Variants in DSCAM observed in about 807,000 individuals in gnomAD.
The protein encoded by DSCAM is DS cell adhesion molecule, also known as cell adhesion molecule DSCAM.
In DSCAM, 47 loss-of-function variants were observed where a neutral mutation model predicts 217.7. That is an observed-to-expected ratio of 0.22 (90% CI 0.17 to 0.28). The LOEUF (loss-of-function observed/expected upper bound fraction) is 0.28. Ranked by LOEUF, DSCAM falls within the 10% of genes least tolerant of loss-of-function variation. DSCAM has a pLI of 1.00. For synonymous variants in DSCAM, 1,056 were observed against 1,015.3 expected (o/e 1.04, Z -0.76); for missense variants, 2,080 against 2,618.3 (o/e 0.79, Z 4.49).
chr21:40,712,979 G>A (rs1351337014), intron 1 of DSCAM, among the ~76,000 whole-genome samples: 2 of 152,178 alleles, frequency 1.3e-5, no homozygotes, highest in African/African-American at 4.8e-5. Flanking sequence ...CAATGTAGAT[G>A]TCTCCAAAGT....
intron 13 of DSCAM, 104 bp from the exon 14 acceptor site, chr21:40,187,363 G>A: frequency 2.2e-6 from 3 of 1,388,432 alleles, no homozygotes; most frequent in South Asian, 2.7e-5. Context: ...GTCTGCATTA[G>A]ACAAGAACAG....
chr21:40,273,256 T>TATGAATTCAAGAA (rs2073643312), intron 11 of DSCAM, among the ~76,000 whole-genome samples: 1 of 152,232 alleles, frequency 6.6e-6, no homozygotes, highest in Non-Finnish European at 1.5e-5. Context: ...TCATGATAAC[T>TATGAATTCAAGAA]CTATGAAGAT....
intron 3 of DSCAM, among the ~76,000 whole-genome samples, chr21:40,459,127 A>G (rs900620075): frequency 6.6e-6 from 1 of 152,180 alleles, no homozygotes; most frequent in Admixed American, 6.5e-5. Context: ...TAATAAAATC[A>G]TAAACACAAG....
At chr21:40,474,817 G>A (rs975479765) in intron 3 of DSCAM, among the ~76,000 whole-genome samples, 1 of 152,158 alleles carries the variant, frequency 6.6e-6, no homozygotes, top group Non-Finnish European at 1.5e-5. Flanking sequence ...TAGAGACTGA[G>A]GGGAACGTTG....
chr21:40,128,428 C>A (rs2090118841), intron 19 of DSCAM, among the ~76,000 whole-genome samples: 1 of 151,796 alleles, frequency 6.6e-6, no homozygotes, highest in African/African-American at 2.4e-5. Context: ...TGCCATGTGG[C>A]AAAGGTGAAG....
intron 3 of DSCAM, among the ~76,000 whole-genome samples, chr21:40,564,344 T>A (rs1248207611): frequency 6.6e-6 from 1 of 152,166 alleles, no homozygotes; most frequent in Non-Finnish European, 1.5e-5. Context: ...CGTTTGTCCC[T>A]TCCAAGTTCT....
In DSCAM at chr21:40,620,065, AAGAG is replaced by A. The variant is rs1164110952; in HGVS notation, c.508+72741_508+72744del. On this transcript the variant is annotated intron_variant, in intron 3 of 32. Coordinates refer to ENST00000400454, the MANE Select transcript of DSCAM (RefSeq NM_001389.5). ...GAGAGAGAAAAAAGAAAAAGAAAGA[AAGAG>A]AGAAAGAGAAAAAAGAAAGAGAGAG... 1.1e-4 allele frequency among the ~76,000 whole-genome samples: 10 copies of A among 92,826 alleles called. 1 individual carries two copies. Among genetic ancestry groups the A allele is most frequent in the South Asian group, 8.9e-4 (2 of 2,248 alleles). 60.9% of individuals were successfully genotyped at this position (92,826 alleles called of 152,430 possible).
chr21:40,802,369 A>T (rs1196520514), intron 1 of DSCAM, among the ~76,000 whole-genome samples: 1 of 152,208 alleles, frequency 6.6e-6, no homozygotes, highest in South Asian at 2.1e-4. Flanking sequence ...AGACTCACAG[A>T]TGAGACTGTG....
At chr21:40,150,069 G>A (rs967046154) in intron 16 of DSCAM, among the ~76,000 whole-genome samples, 11 of 152,158 alleles carry the variant, frequency 7.2e-5, no homozygotes, top group African/African-American at 2.7e-4. Flanking sequence ...TGTAATTGGT[G>A]CTTTATGTAT....
intron 11 of DSCAM, among the ~76,000 whole-genome samples, chr21:40,206,099 C>T (rs919574820): frequency 1.3e-5 from 2 of 152,234 alleles, no homozygotes; most frequent in African/African-American, 2.4e-5. Flanking sequence ...TGTGCTCTAA[C>T]TGTATCTCTC....
At chr21:40,822,623 T>C (rs928344488) in intron 1 of DSCAM, among the ~76,000 whole-genome samples, 17 of 152,126 alleles carry the variant, frequency 1.1e-4, no homozygotes, top group Non-Finnish European at 1.8e-4. Context: ...AGAAAGCCCA[T>C]TGGTGAGTTT....
intron 9 of DSCAM, among the ~76,000 whole-genome samples, chr21:40,300,625 G>T (rs1005223779): frequency 1.3e-5 from 2 of 152,312 alleles, no homozygotes; most frequent in Middle Eastern, 6.8e-3. Flanking sequence ...AAAAACAATT[G>T]TCCATCACTG....
chr21:40,719,110 T>C (rs536794907), intron 1 of DSCAM, among the ~76,000 whole-genome samples: 115 of 151,586 alleles, frequency 7.6e-4, no homozygotes, highest in African/African-American at 2.6e-3. Flanking sequence ...AGTGAGACCT[T>C]GTCTCCAAAG....
chr21:40,467,434 T>C (rs1670276611), intron 3 of DSCAM, among the ~76,000 whole-genome samples: 1 of 152,198 alleles, frequency 6.6e-6, no homozygotes, highest in Non-Finnish European at 1.5e-5. Context: ...CAAATGACTA[T>C]TTTGTGTGGA....
chr21:40,135,067 T>G (rs2090193099), intron 18 of DSCAM, among the ~76,000 whole-genome samples: 1 of 152,214 alleles, frequency 6.6e-6, no homozygotes, highest in African/African-American at 2.4e-5. Flanking sequence ...TTGTGCTAAG[T>G]ACTTCCTTGG....
At chr21:40,238,404 G>C (rs1219897496) in intron 11 of DSCAM, among the ~76,000 whole-genome samples, 2 of 152,156 alleles carry the variant, frequency 1.3e-5, no homozygotes, top group African/African-American at 2.4e-5. Flanking sequence ...ACAGCCAAAG[G>C]CTCTGTGTTT....
chr21:40,052,134 C>G, intron 29 of DSCAM, 27 bp from the exon 30 acceptor site: 7 of 1,611,488 alleles, frequency 4.3e-6, no homozygotes, highest in Non-Finnish European at 5.9e-6. Context: ...ACACAGAAAG[C>G]CAAACACGTT....
intron 1 of DSCAM, among the ~76,000 whole-genome samples, chr21:40,785,217 G>A (rs2091582208): frequency 6.6e-6 from 1 of 152,216 alleles, no homozygotes; most frequent in Admixed American, 6.5e-5. Context: ...GCAAATCTGT[G>A]AGAAATCTCA....
intron 3 of DSCAM, among the ~76,000 whole-genome samples, chr21:40,564,777 T>C (rs1227732855): frequency 2.0e-5 from 3 of 152,220 alleles, no homozygotes; most frequent in Admixed American, 2.0e-4. Flanking sequence ...GTGTCTTGCC[T>C]TAAAAACACA....
Sources: allele counts gnomAD v4.1 joint callset (sites outside exome capture counted in the v4.1 genomes callset), GRCh38; gene constraint gnomAD v4.1.1; transcripts MANE v1.5; gene names NCBI Gene and HGNC (gene_info 2026-07-23, HGNC 2026-07-21).